Variants in HLA-DQB2 observed in about 807,000 individuals in gnomAD.
HLA-DQB2 encodes the protein major histocompatibility complex, class II, DQ beta 2.
In HLA-DQB2, 24 loss-of-function variants were observed where a neutral mutation model predicts 29.2. The observed-to-expected ratio is 0.82, with a 90% confidence interval of 0.60 to 1.16. The LOEUF (loss-of-function observed/expected upper bound fraction) is 1.16. Among genes scored for constraint, HLA-DQB2 ranks in the 50% most tolerant of loss-of-function variants. The pLI is 0.00. For synonymous variants in HLA-DQB2, 104 were observed against 133.1 expected (o/e 0.78, Z 1.51); for missense variants, 273 against 343.6 (o/e 0.79, Z 1.62).
chr6:32,761,583 C>A (rs1213853951), intron 2 of HLA-DQB2, 77 bp downstream of exon 2: 19 of 1,433,202 alleles, frequency 1.3e-5, no homozygotes, highest in Non-Finnish European at 1.7e-5. Context: ...TGAGGCCGCG[C>A]CGTCCTCGCC....
intron 3 of HLA-DQB2, 96 bp from the exon 4 acceptor site, chr6:32,757,979 C>G (rs1764433385): frequency 1.8e-6 from 2 of 1,139,714 alleles, no homozygotes; most frequent in Non-Finnish European, 2.5e-6. Context: ...GTTCTCCAGT[C>G]TGACCACCCT....
At chr6:32,761,480 G>T (rs1007380612) in intron 2 of HLA-DQB2, among the ~76,000 whole-genome samples, 180 bp downstream of exon 2, 1 of 151,224 alleles carries the variant, frequency 6.6e-6, no homozygotes, top group East Asian at 2.0e-4. Context: ...GCATCCCCCT[G>T]CTCTGCCCTA....
At chr6:32,759,903 A>T (rs7753557) in intron 2 of HLA-DQB2, among the ~76,000 whole-genome samples, 81,520 of 146,660 alleles carry the variant, frequency 0.56, 19,185 homozygotes, top group East Asian at 0.74. Context: ...AATGGCACTC[A>T]TGAGCCATTG....
At chr6:32,756,910 A>G in intron 5 of HLA-DQB2, 1 of 1,196,274 alleles carries the variant, frequency 8.4e-7, no homozygotes, top group Non-Finnish European at 1.0e-6. Flanking sequence ...CTAGGAAACA[A>G]TCTCTGGAGA....
In HLA-DQB2 at chr6:32,756,226, G is replaced by C. The variant is rs1764251797; in HGVS notation, c.*227C>G. 1 of 555,982 alleles carries C rather than the reference G, an allele frequency of 1.8e-6. No homozygotes were observed. The highest frequency in any genetic ancestry group is 1.9e-5 in the African/African-American group (1 of 53,296). 34.4% of individuals were successfully genotyped at this position (555,982 alleles called of 1,614,324 possible). On this transcript the variant is annotated 3_prime_UTR_variant, in exon 6 of 6. Transcript: ENST00000437316. ...AGAGATGCCCCTTGGGGCCTGAGTA[G>C]ACACAGCTTGCAGTGCACAGGCAGA...
chr6:32,761,961 G>C (rs1458890233), intron 1 of HLA-DQB2, 35 bp from the exon 2 acceptor site: 1 of 1,574,986 alleles, frequency 6.3e-7, no homozygotes, highest in Non-Finnish European at 8.6e-7. Flanking sequence ...TCAGGCCCCA[G>C]CACGGCCCTA....
intron 2 of HLA-DQB2, 119 bp from the exon 3 acceptor site, chr6:32,759,250 C>T: frequency 7.9e-7 from 1 of 1,268,226 alleles, no homozygotes; most frequent in Non-Finnish European, 1.1e-6. Context: ...GAGTCCAAGT[C>T]TTGGATTAAG....
In HLA-DQB2 at chr6:32,757,276, A is replaced by G. The variant is rs760479732; in HGVS notation, c.781+5T>C. The G allele has an allele frequency of 2.6e-6, 4 of 1,550,448 alleles. No homozygotes were observed. The highest frequency in any genetic ancestry group is 1.2e-5 in the South Asian group (1 of 84,044). ...CCCCTGACTGGATCATGGCTGAAAT[A>G]TTACCTGCTGGTGGAGGCCCTCGAG... On this transcript the variant is annotated splice_donor_5th_base_variant and intron_variant, in intron 5 of 5. Coordinates refer to ENST00000437316, the MANE Select transcript of HLA-DQB2 (RefSeq NM_001300790.2).
chr6:32,756,321 G>A lies in HLA-DQB2; in HGVS notation c.*132C>T, dbSNP rs1764259740. The A allele has an allele frequency of 1.5e-6, 1 of 686,538 alleles. No individual in the cohort carries two copies. The highest frequency in any genetic ancestry group is 2.2e-5 in the Admixed American group (1 of 45,626). 42.5% of individuals were successfully genotyped at this position (686,538 alleles called of 1,614,324 possible). A position where few individuals can be genotyped will look rare whatever the true frequency, so the allele number is the denominator to read the frequency against. On this transcript the variant is annotated 3_prime_UTR_variant, in exon 6 of 6. Coordinates refer to ENST00000437316, the MANE Select transcript of HLA-DQB2 (RefSeq NM_001300790.2). The stretch of plus-strand genomic sequence containing the variant: ...GGATGGGGATCACAGAAGGTGACCT[G>A]TGGCTGCATGAGCCACTGTAGGACT...
chr6:32,761,943 C>T lies in HLA-DQB2; in HGVS notation c.98-17G>A, dbSNP rs1490681038. 3.2e-6 allele frequency: 5 copies of T among 1,587,238 alleles called. No homozygotes were observed. The highest frequency in any genetic ancestry group is 4.3e-6 in the Non-Finnish European group (5 of 1,166,846). Reference sequence around the variant, plus strand: ...AGAAATCCTCTGCGGAGAATCACGGCGGGTCAGTCAGGCCCCAGCACGGCC... The same window carrying T: ...AGAAATCCTCTGCGGAGAATCACGGTGGGTCAGTCAGGCCCCAGCACGGCC... On this transcript the variant is annotated splice_polypyrimidine_tract_variant and intron_variant, in intron 1 of 5. Coordinates refer to ENST00000437316, the MANE Select transcript of HLA-DQB2 (RefSeq NM_001300790.2).
intron 4 of HLA-DQB2, 110 bp from the exon 5 acceptor site, chr6:32,757,414 C>CAG: frequency 1.3e-6 from 1 of 774,242 alleles, no homozygotes; most frequent in African/African-American, 1.9e-5. Context: ...CTCTTCCCTC[C>CAG]CATGTTCTTT....
rs1203875223 is a variant in HLA-DQB2 at position 32,763,512 on chromosome 6, T to TCTTC, written c.-43_-42insGAAG. The TCTTC allele has an allele frequency of 1.4e-5, 18 of 1,245,322 alleles. No homozygotes were observed. The highest frequency in any genetic ancestry group is 2.1e-5 in the Non-Finnish European group (18 of 867,102). 77.1% of individuals were successfully genotyped at this position (1,245,322 alleles called of 1,614,324 possible). On this transcript the variant is annotated 5_prime_UTR_variant, in exon 1 of 6. Coordinates refer to ENST00000437316, the MANE Select transcript of HLA-DQB2 (RefSeq NM_001300790.2). Reference sequence around the variant, plus strand: ...GAGACCAAGGAAAAAGCAGTGGTAGTCAACACAGCTCAAACCTAATGGATC... The same window carrying TCTTC: ...GAGACCAAGGAAAAAGCAGTGGTAGTCTTCCAACACAGCTCAAACCTAATGGATC...
At chr6:32,761,979 C>G (rs987481123) in intron 1 of HLA-DQB2, 53 bp from the exon 2 acceptor site, 66 of 1,567,528 alleles carry the variant, frequency 4.2e-5, no homozygotes, top group Non-Finnish European at 5.3e-5. Flanking sequence ...CTAGCCCCAG[C>G]CCCCAGCCGG....
chr6:32,761,505 C>A (rs557842563), intron 2 of HLA-DQB2, among the ~76,000 whole-genome samples, 155 bp downstream of exon 2: 1 of 152,102 alleles, frequency 6.6e-6, no homozygotes, highest in Non-Finnish European at 1.5e-5. Flanking sequence ...CCCGCCCCTC[C>A]GATACTACCC....
intron 1 of HLA-DQB2, among the ~76,000 whole-genome samples, 186 bp from the exon 2 acceptor site, chr6:32,762,112 C>T (rs954813791): frequency 1.3e-5 from 2 of 152,166 alleles, no homozygotes; most frequent in African/African-American, 4.8e-5. Flanking sequence ...GGCATCTCTG[C>T]CCCAGCCCTG....
intron 1 of HLA-DQB2, among the ~76,000 whole-genome samples, chr6:32,762,270 G>A (rs1337676212): frequency 6.6e-6 from 1 of 152,218 alleles, no homozygotes; most frequent in East Asian, 1.9e-4. Context: ...GGGCGTTCTC[G>A]TATGAAATCC....
intron 1 of HLA-DQB2, among the ~76,000 whole-genome samples, chr6:32,762,735 C>T (rs1361759195): frequency 6.6e-6 from 1 of 152,202 alleles, no homozygotes; most frequent in Non-Finnish European, 1.5e-5. Flanking sequence ...TGTCCTGTGT[C>T]TGAATGGAGT....
chr6:32,756,295 G>T lies in HLA-DQB2; in HGVS notation c.*158C>A. 1 of 657,388 alleles carries T rather than the reference G, an allele frequency of 1.5e-6. No individual in the cohort carries two copies. The highest frequency in any genetic ancestry group is 1.8e-5 in the South Asian group (1 of 55,842). The allele number at this position is 657,388 out of a possible 1,614,324, so 40.7% of individuals were successfully genotyped here. A position where few individuals can be genotyped will look rare whatever the true frequency, so the allele number is the denominator to read the frequency against. ...GAAGCAGAGTCACCACCAGTGCCTT[G>T]GGATGGGGATCACAGAAGGTGACCT... On this transcript the variant is annotated 3_prime_UTR_variant, in exon 6 of 6. Coordinates refer to ENST00000437316, the MANE Select transcript of HLA-DQB2 (RefSeq NM_001300790.2).
rs59796317 is a variant in HLA-DQB2, at chr6:32,762,682, C to G, written c.97+692G>C. On this transcript the variant is annotated intron_variant, in intron 1 of 5. Coordinates refer to ENST00000437316, the MANE Select transcript of HLA-DQB2 (RefSeq NM_001300790.2). The stretch of plus-strand genomic sequence containing the variant: ...TAAAAGGAAAATCATGATACCTACA[C>G]ATAGGATGTTAGGAGGAGTGAGAGA... Among the ~76,000 whole-genome samples, 451 of 152,318 alleles carry G rather than the reference C, an allele frequency of 3.0e-3. 2 individuals are homozygous for G. Among genetic ancestry groups the G allele is most frequent in the African/African-American group, 0.01 (428 of 41,574 alleles).
Sources: allele counts gnomAD v4.1 joint callset (sites outside exome capture counted in the v4.1 genomes callset), GRCh38; gene constraint gnomAD v4.1.1; transcripts MANE v1.5; gene names NCBI Gene and HGNC (gene_info 2026-07-23, HGNC 2026-07-21).